EGFR: variants seen among roughly 807,000 people sequenced by gnomAD.
The protein encoded by EGFR is epidermal growth factor receptor.
In EGFR, 58 loss-of-function variants were observed where a neutral mutation model predicts 143.0. The ratio of observed to expected loss-of-function variants is 0.41; its 90% CI spans 0.33 to 0.50. The LOEUF (loss-of-function observed/expected upper bound fraction) is 0.50. Among genes scored for constraint, EGFR ranks in the 20% least tolerant of loss-of-function variants. The pLI is 0.39. For missense variants in EGFR, 1,307 were observed against 1,579.0 expected (o/e 0.83, Z 2.92); for synonymous variants, 613 against 594.4 (o/e 1.03, Z -0.45).
intron 1 of EGFR, chr7:55,043,933 C>T (rs1356742904): frequency 6.6e-6 from 1 of 152,170 alleles, no homozygotes; most frequent in Admixed American, 6.5e-5. Context: ...GCATTCCAAC[C>T]TCACCTGCCT....
intron 1 of EGFR, among the ~76,000 whole-genome samples, chr7:55,124,584 G>T (rs1014620383): frequency 6.6e-5 from 10 of 152,304 alleles, no homozygotes; most frequent in Admixed American, 5.9e-4. Context: ...GGGCATAACT[G>T]ATCCAAAGGA....
At chr7:55,168,751 C>T in intron 15 of EGFR, 1 of 584,960 alleles carries the variant, frequency 1.7e-6, no homozygotes, top group Non-Finnish European at 2.8e-6. Context: ...TGTGTCTTCT[C>T]CCAAAGCCAT....
intron 1 of EGFR, among the ~76,000 whole-genome samples, chr7:55,057,116 C>CGTA (rs1788872649): frequency 6.6e-6 from 1 of 152,206 alleles, no homozygotes; most frequent in Non-Finnish European, 1.5e-5. Context: ...GTAGATTGAC[C>CGTA]CTCCTGGCTC....
At chr7:55,078,461 C>T (rs901475460) in intron 1 of EGFR, among the ~76,000 whole-genome samples, 9 of 152,240 alleles carry the variant, frequency 5.9e-5, no homozygotes, top group African/African-American at 2.2e-4. Flanking sequence ...GCTGCACCAA[C>T]CCTGGGATGC....
At position 55,156,636 on chromosome 7, in the gene EGFR, C is replaced by T. The variant is rs539077864; in HGVS notation, c.1110C>T (p.His370=). 1 of 1,614,256 alleles carries T rather than the reference C, an allele frequency of 6.2e-7. No individual in the cohort carries two copies. Among genetic ancestry groups the T allele is most frequent in the East Asian group, 2.2e-5 (1 of 44,880 alleles). ...GCACCTCCATCAGTGGCGATCTCCA[C>T]ATCCTGCCGGTGGCATTTAGGGGGT... The part of the protein sequence containing the change: ...KNCTSISGDL[H]ILPVAFRGDS... The change falls in exon 9 of 28, where the codon CAC becomes CAT. Residue 370 remains histidine, a synonymous_variant. Coordinates refer to ENST00000275493, the MANE Select transcript of EGFR (RefSeq NM_005228.5).
chr7:55,198,386 T>C (rs1308539717), intron 22 of EGFR, among the ~76,000 whole-genome samples: 4 of 152,200 alleles, frequency 2.6e-5, no homozygotes, highest in South Asian at 2.1e-4. Flanking sequence ...AGCATAATAC[T>C]TATGCTAGTA....
intron 1 of EGFR, among the ~76,000 whole-genome samples, chr7:55,019,795 C>T (rs2128854210): frequency 6.6e-6 from 1 of 152,264 alleles, no homozygotes; most frequent in East Asian, 1.9e-4. Context: ...GGTCCTGGCG[C>T]GCACCCGAGG....
At chr7:55,073,916 A>C (rs1324260243) in intron 1 of EGFR, among the ~76,000 whole-genome samples, 1 of 152,226 alleles carries the variant, frequency 6.6e-6, no homozygotes, top group Non-Finnish European at 1.5e-5. Context: ...TTTTAGGCAA[A>C]TTATAATTAA....
At chr7:55,096,928 T>C (rs1249888535) in intron 1 of EGFR, among the ~76,000 whole-genome samples, 1 of 151,988 alleles carries the variant, frequency 6.6e-6, no homozygotes, top group Non-Finnish European at 1.5e-5. Context: ...GCAGCTACAG[T>C]AGTGGAATGA....
At chr7:55,035,891 C>T (rs1787537096) in intron 1 of EGFR, among the ~76,000 whole-genome samples, 1 of 152,012 alleles carries the variant, frequency 6.6e-6, no homozygotes, top group Admixed American at 6.6e-5. Flanking sequence ...CCAGTAGTAA[C>T]ATCTTAGTAG....
At chr7:55,034,535 C>A (rs1400609581) in intron 1 of EGFR, among the ~76,000 whole-genome samples, 1 of 152,208 alleles carries the variant, frequency 6.6e-6, no homozygotes, top group Non-Finnish European at 1.5e-5. Flanking sequence ...TACACACCCA[C>A]ACCCAAGGAC....
At chr7:55,115,496 A>G (rs557275205) in intron 1 of EGFR, among the ~76,000 whole-genome samples, 56 of 152,358 alleles carry the variant, frequency 3.7e-4, no homozygotes, top group African/African-American at 1.3e-3. Flanking sequence ...ATTTATTATC[A>G]TCTAAGATTT....
chr7:55,096,388 C>T lies in EGFR; in HGVS notation c.89-45898C>T, dbSNP rs76535379. Among the ~76,000 whole-genome samples, 1,310 of 152,320 alleles carry T rather than the reference C, an allele frequency of 8.6e-3. 14 individuals are homozygous for T. Among genetic ancestry groups the T allele is most frequent in the African/African-American group, 0.03 (1,257 of 41,560 alleles). Reference sequence around the variant, plus strand: ...ATTTGCTGCTGAGTTAACTTTGTGGCGGCCTGTGGACTAGACCTCTGCACA... The same window carrying T: ...ATTTGCTGCTGAGTTAACTTTGTGGTGGCCTGTGGACTAGACCTCTGCACA... On this transcript the variant is annotated intron_variant, in intron 1 of 27. Transcript: ENST00000275493.
At chr7:55,165,565 G>T in intron 15 of EGFR, 128 bp downstream of exon 15, 1 of 1,313,536 alleles carries the variant, frequency 7.6e-7, no homozygotes, top group Non-Finnish European at 1.0e-6. Flanking sequence ...AAGGTGTTTT[G>T]GTCCCCACAG....
At chr7:55,023,580 G>T (rs961533037) in intron 1 of EGFR, among the ~76,000 whole-genome samples, 1 of 149,442 alleles carries the variant, frequency 6.7e-6, no homozygotes, top group Non-Finnish European at 1.5e-5. Context: ...GAACCCAGGA[G>T]GCAGAGGTTG....
chr7:55,079,587 TTTTTG>T (rs1225134130), intron 1 of EGFR, among the ~76,000 whole-genome samples: 3 of 136,828 alleles, frequency 2.2e-5, no homozygotes, highest in East Asian at 7.8e-4. Flanking sequence ...TTATGGCGTT[TTTTTG>T]TTTGTTTGTT....
intron 1 of EGFR, among the ~76,000 whole-genome samples, chr7:55,086,688 G>A (rs12535536): frequency 0.78 from 119,037 of 152,202 alleles, 47,227 homozygotes; most frequent in East Asian, 0.97. Flanking sequence ...GGTCGCTCCC[G>A]CTGTGGAGGC....
At position 55,152,652 on chromosome 7, in the gene EGFR, G is replaced by A. The variant is rs1785217553; in HGVS notation, c.735G>A (p.Glu245=). 1 of 1,613,530 alleles carries A rather than the reference G, an allele frequency of 6.2e-7. No individual in the cohort carries two copies. The highest frequency in any genetic ancestry group is 1.1e-5 in the South Asian group (1 of 91,078). ...CTGCAGGCTGCACAGGCCCCCGGGAGAGCGACTGCCTGGTAAGATGCCCCT... is the reference window on the plus strand; with the variant it reads ...CTGCAGGCTGCACAGGCCCCCGGGAAAGCGACTGCCTGGTAAGATGCCCCT... ...QCAAGCTGPR[E]SDCLVCRKFR... is the part of the protein sequence containing the mutation. The change falls in exon 6 of 28, where the codon GAG becomes GAA. Residue 245 remains glutamate, a synonymous_variant. Coordinates refer to ENST00000275493, the MANE Select transcript of EGFR (RefSeq NM_005228.5).
intron 1 of EGFR, among the ~76,000 whole-genome samples, chr7:55,084,063 A>G (rs549496090): frequency 1.3e-5 from 2 of 152,356 alleles, no homozygotes; most frequent in South Asian, 2.1e-4. Context: ...AAATGCCCCT[A>G]TGAAAGATAG....
Sources: gnomAD v4.1 joint callset for allele counts (sites outside exome capture counted in the v4.1 genomes callset) on GRCh38, gnomAD v4.1.1 for gene constraint, MANE v1.5 for transcripts, NCBI Gene and HGNC (gene_info 2026-07-23, HGNC 2026-07-21) for gene names.